The following PAPPA variants were observed in gnomAD, a reference collection of about 807,000 sequenced individuals.
PAPPA encodes pappalysin 1, also known as pappalysin-1.
A neutral mutation model predicts 164.0 loss-of-function variants in PAPPA; 60 were observed. The observed-to-expected ratio is 0.37, with a 90% CI of 0.30 to 0.45. The LOEUF (loss-of-function observed/expected upper bound fraction) is 0.45, where lower values mean the gene tolerates loss of function less well. PAPPA is among the 20% of genes least tolerant of loss of function. PAPPA has a pLI of 1.00. For missense variants in PAPPA, 1,782 were observed against 2,087.3 expected (o/e 0.85, Z 2.85); for synonymous variants, 875 against 814.1 (o/e 1.07, Z -1.27).
At position 116,344,586 on chromosome 9, in the gene PAPPA, G is replaced by T; in HGVS notation, c.3655G>T (p.Ala1219Ser). The T allele has an allele frequency of 1.9e-6, 3 of 1,614,132 alleles. No homozygotes were observed. In the South Asian group the frequency reaches 3.3e-5, roughly 18 times the overall value. ...TGAGAAAACTGACTGTCCAGAGCTGGCTGTGGAGAATGCTTCTCTCAATTG... is the reference window on the plus strand; with the variant it reads ...TGAGAAAACTGACTGTCCAGAGCTGTCTGTGGAGAATGCTTCTCTCAATTG... ...ACEKTDCPELAVENASLNCSS... is the reference protein window; with the variant it reads ...ACEKTDCPELSVENASLNCSS... The change falls in exon 14 of 22, where the codon GCT becomes TCT. Residue 1219 changes from alanine (A) to serine (S), a missense_variant. Ala to Ser is a moderately conservative substitution (Grantham distance 99). Transcript: ENST00000328252.
chr9:116,275,934 G>A (rs765432809), intron 9 of PAPPA, among the ~76,000 whole-genome samples: 5 of 152,114 alleles, frequency 3.3e-5, no homozygotes, highest in East Asian at 1.9e-4. Flanking sequence ...CACCCCTGGT[G>A]CCCTCATCCC....
At chr9:116,294,018 A>G (rs139325075) in intron 9 of PAPPA, among the ~76,000 whole-genome samples, 133 of 152,364 alleles carry the variant, frequency 8.7e-4, no homozygotes, top group African/African-American at 3.1e-3. Context: ...TAAATCATTC[A>G]TAGATTCATA....
At chr9:116,325,140 G>A (rs1473921333) in intron 10 of PAPPA, among the ~76,000 whole-genome samples, 1 of 152,140 alleles carries the variant, frequency 6.6e-6, no homozygotes, top group Non-Finnish European at 1.5e-5. Context: ...CAATTGTGTT[G>A]CTTTGTAATT....
At chr9:116,224,888 ATGTTTGTGTG>A (rs201272455) in intron 5 of PAPPA, among the ~76,000 whole-genome samples, 1,523 of 152,236 alleles carry the variant, frequency 0.01, 27 homozygotes, top group African/African-American at 0.034. Flanking sequence ...TTCATTGTGT[ATGTTTGTGTG>A]TGTTTATGTG....
At chr9:116,246,109 A>T (rs974454580) in intron 7 of PAPPA, among the ~76,000 whole-genome samples, 1 of 152,222 alleles carries the variant, frequency 6.6e-6, no homozygotes, top group African/African-American at 2.4e-5. Flanking sequence ...GTGTATTTGA[A>T]TGAATTATCC....
intron 13 of PAPPA, among the ~76,000 whole-genome samples, chr9:116,335,483 G>T (rs543459520): frequency 2.4e-4 from 37 of 152,176 alleles, no homozygotes; most frequent in African/African-American, 8.2e-4. Flanking sequence ...CTAACCAAGG[G>T]GGATAGAGTG....
rs1404737771 is a variant in PAPPA, at chr9:116,397,482, A to G, written c.*866A>G. The G allele has an allele frequency of 6.5e-6, 1 of 152,714 alleles. No homozygotes were observed. Among genetic ancestry groups the G allele is most frequent in the African/African-American group, 2.4e-5 (1 of 41,448 alleles). The allele number at this position is 152,714 out of a possible 1,614,324, so 9.5% of individuals were successfully genotyped here. The stretch of plus-strand genomic sequence containing the variant: ...CTTTTCCTGCTGCTCTATCCTATAC[A>G]TTGAATAATCCAAGATGGTAGAACT... On this transcript the variant is annotated 3_prime_UTR_variant, in exon 22 of 22. Coordinates refer to ENST00000328252, the MANE Select transcript of PAPPA (RefSeq NM_002581.5).
chr9:116,301,797 G>A (rs1390694996), intron 9 of PAPPA, among the ~76,000 whole-genome samples: 1 of 152,186 alleles, frequency 6.6e-6, no homozygotes, highest in Non-Finnish European at 1.5e-5. Context: ...TATAGCATTA[G>A]ACAGGAAGGG....
intron 19 of PAPPA, chr9:116,373,195 G>T (rs748436613): frequency 6.6e-6 from 1 of 152,122 alleles, no homozygotes; most frequent in Admixed American, 6.5e-5. Context: ...ACAAAGAGAT[G>T]CAGCCAGAAT....
At chr9:116,268,645 C>T (rs892631176) in intron 8 of PAPPA, among the ~76,000 whole-genome samples, 22 of 151,980 alleles carry the variant, frequency 1.4e-4, no homozygotes, top group Admixed American at 6.6e-4. Flanking sequence ...ATCATTCTTG[C>T]TGATCTAAAA....
At chr9:116,193,859 A>G (rs1349258438) in intron 2 of PAPPA, among the ~76,000 whole-genome samples, 2 of 152,204 alleles carry the variant, frequency 1.3e-5, no homozygotes, top group African/African-American at 4.8e-5. Context: ...CATAGCCTAT[A>G]AGGCTTCCAT....
At chr9:116,273,375 T>A (rs1370330467) in intron 9 of PAPPA, among the ~76,000 whole-genome samples, 2 of 152,228 alleles carry the variant, frequency 1.3e-5, no homozygotes, top group African/African-American at 4.8e-5. Flanking sequence ...GTCACACTCA[T>A]TTGCATATTG....
Position 116,352,475 on chromosome 9 carries a change from T to A in PAPPA, c.3965-231T>A, listed in dbSNP as rs546401352. 2.0e-5 allele frequency among the ~76,000 whole-genome samples: 3 copies of A among 152,282 alleles called. No individual in the cohort carries two copies. The East Asian group carries it at 5.8e-4, about 29-fold the overall frequency. On this transcript the variant is annotated intron_variant, in intron 15 of 21. Transcript: ENST00000328252. ...AGGATCAGAAGTCAGAAGCCTTGGA[T>A]TTTAATTCACTGTAGACATGGGGGT...
rs770185045 is a variant in PAPPA at position 116,352,724 on chromosome 9, C to A, written c.3983C>A (p.Thr1328Asn). 3.1e-6 allele frequency: 5 copies of A among 1,612,848 alleles called. No homozygotes were observed. The highest frequency in any genetic ancestry group is 2.7e-5 in the African/African-American group (2 of 74,896). The change falls in exon 16 of 22, where the codon ACC becomes AAC. Residue 1328 changes from threonine to asparagine, a missense_variant. By Grantham distance (65) the Thr-to-Asn change is moderately conservative. Transcript: ENST00000328252. Reference sequence around the variant, plus strand: ...CTTCCAGGCAACAACAGCCTCCTGACCTGCATGGAGGATGGGCTGTGGTCC... The same window carrying A: ...CTTCCAGGCAACAACAGCCTCCTGAACTGCATGGAGGATGGGCTGTGGTCC... Reference protein sequence around the residue: ...AQLKGNNSLLTCMEDGLWSFP... With the variant: ...AQLKGNNSLLNCMEDGLWSFP...
chr9:116,292,099 G>GATGA (rs1412288468), intron 9 of PAPPA, among the ~76,000 whole-genome samples: 2 of 152,148 alleles, frequency 1.3e-5, no homozygotes, highest in African/African-American at 2.4e-5. Flanking sequence ...TGTCTGTCTG[G>GATGA]ATGAATGAAT....
At chr9:116,160,687 G>T (rs997917904) in intron 1 of PAPPA, among the ~76,000 whole-genome samples, 4 of 152,054 alleles carry the variant, frequency 2.6e-5, no homozygotes, top group Admixed American at 2.0e-4. Flanking sequence ...ATTTCTCTCC[G>T]CACCAGCTGC....
rs1564245725 is a variant in PAPPA, at chr9:116,372,090, C to T, written c.4605+4336C>T. 2.0e-5 allele frequency among the ~76,000 whole-genome samples: 3 copies of T among 152,134 alleles called. No individual in the cohort carries two copies. In the South Asian group the frequency reaches 6.2e-4, roughly 32 times the overall value. On this transcript the variant is annotated intron_variant, in intron 19 of 21. Transcript: ENST00000328252. ...CTTTTTCTCAGTCCCCTTCCCTGTA[C>T]ATGCACTTTTCAAAGTGATTAGAGG...
In PAPPA at chr9:116,398,612, G is replaced by C. The variant is rs1382439396; in HGVS notation, c.*1996G>C. The C allele has an allele frequency of 6.2e-6, 7 of 1,132,400 alleles. No individual in the cohort carries two copies. 70.1% of individuals were successfully genotyped at this position (1,132,400 alleles called of 1,614,324 possible). A position where few individuals can be genotyped will look rare whatever the true frequency, so the allele number is the denominator to read the frequency against. On this transcript the variant is annotated 3_prime_UTR_variant, in exon 22 of 22. Transcript: ENST00000328252. ...GGCCATCTCTGGCCAATTACACTAA[G>C]AAACATATCAAGGTGCTTTTGGCAC... is the stretch of plus-strand genomic sequence containing the variant.
intron 1 of PAPPA, among the ~76,000 whole-genome samples, chr9:116,157,734 C>T (rs962878927): frequency 7.2e-5 from 11 of 152,266 alleles, no homozygotes; most frequent in African/African-American, 2.4e-4. Flanking sequence ...ACCTCTCACC[C>T]CACACGGACC....
Sources: gnomAD v4.1 joint callset for allele counts (sites outside exome capture counted in the v4.1 genomes callset) on GRCh38, gnomAD v4.1.1 for gene constraint, MANE v1.5 for transcripts, NCBI Gene and HGNC (gene_info 2026-07-23, HGNC 2026-07-21) for gene names.